FBXL13: variants seen among roughly 807,000 people sequenced by gnomAD.
The protein encoded by FBXL13 is F-box and leucine-rich repeat protein 13.
Under a neutral mutation model 83.6 loss-of-function variants are expected in FBXL13, and 67 were observed. That is an observed-to-expected ratio of 0.80 (90% confidence interval 0.66 to 0.98). FBXL13 has a LOEUF of 0.98. Ranked by LOEUF, FBXL13 falls within the 50% of genes least tolerant of loss-of-function variation. FBXL13 has a pLI of 0.00. For missense variants in FBXL13, 822 were observed against 866.5 expected (o/e 0.95, Z 0.64); for synonymous variants, 272 against 299.5 (o/e 0.91, Z 0.95).
chr7:102,926,507 TCTA>T, intron 9 of FBXL13, 133 bp from the exon 11 acceptor site: 1 of 643,068 alleles, frequency 1.6e-6, no homozygotes, highest in South Asian at 2.0e-5. Context: ...ATATTCTTTA[TCTA>T]CTATTAGGTT....
rs151265898 is a variant in FBXL13 at position 102,891,747 on chromosome 7, T to C, written c.1009-7435A>G. 3.8e-3 allele frequency among the ~76,000 whole-genome samples: 579 copies of C among 152,326 alleles called. 5 individuals are homozygous for C. Among genetic ancestry groups the C allele is most frequent in the African/African-American group, 0.014 (572 of 41,576 alleles). On this transcript the variant is annotated intron_variant, in intron 11 of 19. Coordinates refer to ENST00000313221, the Ensembl canonical transcript of FBXL13. ...CCTACAGATGCCAGGAAGGCTTGCA[T>C]GCTTGCCAACTCTGTGTGCATTTAC...
intron 2 of FBXL13, among the ~76,000 whole-genome samples, chr7:103,042,098 T>C (rs1390923993): frequency 6.6e-6 from 1 of 152,182 alleles, no homozygotes; most frequent in Non-Finnish European, 1.5e-5. Context: ...CAAAATCTCC[T>C]TAAGCTGATA....
rs565968064 is a variant in FBXL13, at chr7:102,915,124, T to A, written c.879-1909A>T. ...ATTTGTTAAGTGGAGATTAAAATAT[T>A]TTTTTTTTTTTTTTTTTTACACTGA... is the stretch of plus-strand genomic sequence containing the variant. On this transcript the variant is annotated intron_variant, in intron 10 of 19. Transcript: ENST00000313221. Among the ~76,000 whole-genome samples, 70 of 137,844 alleles carry A rather than the reference T, an allele frequency of 5.1e-4. No homozygotes were observed. In the East Asian group the frequency reaches 5.2e-3, roughly 10 times the overall value. The allele number at this position is 137,844 out of a possible 152,430, so 90.4% of individuals were successfully genotyped here. A position where few individuals can be genotyped will look rare whatever the true frequency, so the allele number is the denominator to read the frequency against.
chr7:103,074,100 G>T, intron 1 of FBXL13: 1 of 325,606 alleles, frequency 3.1e-6, no homozygotes, highest in Non-Finnish European at 4.4e-6. Context: ...AGTCCTTCCT[G>T]TTGTCTAAAG....
At chr7:102,818,211 C>A (rs147998962) in intron 19 of FBXL13, among the ~76,000 whole-genome samples, 109 of 152,298 alleles carry the variant, frequency 7.2e-4, no homozygotes, top group African/African-American at 2.4e-3. Flanking sequence ...AAACAGAGCA[C>A]GTGTCTACCC....
chr7:102,883,829 A>G (rs1303252386), intron 12 of FBXL13, 144 bp from the exon 14 acceptor site: 10 of 583,500 alleles, frequency 1.7e-5, no homozygotes, highest in Admixed American at 1.7e-4. Flanking sequence ...GGATTTTTCC[A>G]TACATTTTAA....
intron 16 of FBXL13, among the ~76,000 whole-genome samples, chr7:102,872,189 C>T (rs966028898): frequency 2.6e-5 from 4 of 152,178 alleles, no homozygotes; most frequent in Non-Finnish European, 5.9e-5. Context: ...CCTTTCCTCT[C>T]CTCACCTCTA....
chr7:102,994,751 G>A (rs964563993), intron 6 of FBXL13, among the ~76,000 whole-genome samples: 1 of 152,152 alleles, frequency 6.6e-6, no homozygotes, highest in Admixed American at 6.5e-5. Context: ...GCAGAGTTCT[G>A]ATTGGTCAAT....
intron 2 of FBXL13, among the ~76,000 whole-genome samples, chr7:103,031,847 C>A (rs1364331711): frequency 6.6e-6 from 1 of 152,226 alleles, no homozygotes; most frequent in African/African-American, 2.4e-5. Context: ...CAGTGGCCTA[C>A]AAGAAGCCAG....
chr7:103,066,425 T>G (rs1367099358), intron 1 of FBXL13, among the ~76,000 whole-genome samples: 12 of 151,970 alleles, frequency 7.9e-5, no homozygotes. Flanking sequence ...AGAGTCTTAC[T>G]CTGTTGCCCA....
intron 11 of FBXL13, among the ~76,000 whole-genome samples, chr7:102,907,922 T>C (rs1394365497): frequency 4.6e-5 from 7 of 152,130 alleles, no homozygotes; most frequent in Admixed American, 1.3e-4. Context: ...TAATAGGTGC[T>C]GGAGAGGATG....
intron 18 of FBXL13, chr7:102,822,577 C>T: frequency 2.5e-6 from 1 of 401,880 alleles, no homozygotes; most frequent in South Asian, 1.9e-5. Flanking sequence ...ATTACTGTCA[C>T]AGTGGGAGTT....
intron 16 of FBXL13, among the ~76,000 whole-genome samples, chr7:102,863,802 T>C (rs964768295): frequency 3.9e-5 from 6 of 152,170 alleles, no homozygotes; most frequent in African/African-American, 9.7e-5. Flanking sequence ...GTTCTTTTCC[T>C]GGTTTGTGGC....
intron 7 of FBXL13, among the ~76,000 whole-genome samples, chr7:102,967,577 C>A (rs1826122293): frequency 6.6e-6 from 1 of 152,184 alleles, no homozygotes; most frequent in Non-Finnish European, 1.5e-5. Context: ...CCAGCATAAT[C>A]CTCTCTTTTT....
intron 11 of FBXL13, among the ~76,000 whole-genome samples, chr7:102,893,504 C>T (rs1320924503): frequency 3.3e-5 from 5 of 152,236 alleles, no homozygotes; most frequent in East Asian, 3.9e-4. Context: ...CGGTGGCTCG[C>T]GCCTGTAATC....
chr7:102,948,425 TTTA>T (rs1436162071), intron 8 of FBXL13, among the ~76,000 whole-genome samples: 1 of 152,008 alleles, frequency 6.6e-6, no homozygotes, highest in Non-Finnish European at 1.5e-5. Context: ...TAAGGATTTA[TTTA>T]TTTTCTTTTT....
At chr7:102,986,027 C>CT (rs1036822087) in intron 6 of FBXL13, among the ~76,000 whole-genome samples, 9 of 151,836 alleles carry the variant, frequency 5.9e-5, no homozygotes, top group African/African-American at 2.2e-4. Flanking sequence ...GCCCCCCCCC[C>CT]ATCAATACAT....
intron 18 of FBXL13, among the ~76,000 whole-genome samples, chr7:102,826,208 C>T (rs1025408462): frequency 2.0e-5 from 3 of 151,944 alleles, no homozygotes; most frequent in Non-Finnish European, 2.9e-5. Flanking sequence ...CTTCTGGTGA[C>T]GATCCCAAGA....
intron 6 of FBXL13, among the ~76,000 whole-genome samples, chr7:102,989,646 C>T (rs555391794): frequency 2.0e-5 from 3 of 152,140 alleles, no homozygotes; most frequent in African/African-American, 7.2e-5. Context: ...GTGCAGTGAC[C>T]GAGGGGCGAG....
Sources: allele counts gnomAD v4.1 joint callset (sites outside exome capture counted in the v4.1 genomes callset), GRCh38; gene constraint gnomAD v4.1.1; transcripts MANE v1.5; gene names NCBI Gene and HGNC (gene_info 2026-07-23, HGNC 2026-07-21).